The following CLIC2 variants were observed in gnomAD, a reference collection of about 807,000 sequenced individuals.
The protein encoded by CLIC2 is chloride intracellular channel protein 2.
Under a neutral mutation model 14.8 loss-of-function variants are expected in CLIC2, and 9 were observed. That is an observed-to-expected ratio of 0.61 (90% confidence interval 0.37 to 1.06). The LOEUF is 1.06. Among genes scored for constraint, CLIC2 ranks in the 50% least tolerant of loss-of-function variants. The probability of loss-of-function intolerance (pLI) is 0.01; values close to 1 mark genes in which losing one functional copy is unlikely to be tolerated. For missense variants in CLIC2, 148 were observed against 181.4 expected (o/e 0.82, Z 1.06); for synonymous variants, 61 against 66.3 (o/e 0.92, Z 0.39).
At chrX:155,296,561 G>A (rs181557342) in intron 3 of CLIC2, among the ~76,000 whole-genome samples, 23 of 111,461 alleles carry the variant, frequency 2.1e-4, no homozygotes, top group African/African-American at 7.2e-4. Flanking sequence ...AATGAGTGAA[G>A]AGACAACCTT....
intron 1 of CLIC2, among the ~76,000 whole-genome samples, chrX:155,305,114 C>G (rs1194993380): frequency 1.3e-4 from 15 of 112,323 alleles, no homozygotes; most frequent in Admixed American, 3.7e-4. Context: ...CCACCCAGTT[C>G]GAGCTTCTGG....
chrX:155,304,143 G>A (rs1292453769), intron 1 of CLIC2, among the ~76,000 whole-genome samples: 1 of 107,953 alleles, frequency 9.3e-6, no homozygotes, highest in Non-Finnish European at 1.9e-5. Context: ...GCTAGATTGG[G>A]GAAGTTCTCC....
At chrX:155,316,053 C>T (rs2075093995) in intron 1 of CLIC2, among the ~76,000 whole-genome samples, 1 of 111,618 alleles carries the variant, frequency 9.0e-6, no homozygotes, top group Non-Finnish European at 1.9e-5. Context: ...ACTAGTCCAA[C>T]AGGAAAATAT....
At chrX:155,306,587 A>G (rs1352302761) in intron 1 of CLIC2, among the ~76,000 whole-genome samples, 1 of 111,824 alleles carries the variant, frequency 8.9e-6, no homozygotes, top group African/African-American at 3.3e-5. Context: ...TTTATAAGAA[A>G]AGAGGTTTAA....
intron 1 of CLIC2, among the ~76,000 whole-genome samples, chrX:155,303,815 T>G (rs1244414957): frequency 7.7e-4 from 77 of 99,402 alleles, no homozygotes; most frequent in South Asian, 1.6e-3. Flanking sequence ...GTCTGTAAAG[T>G]ATTTTATTTC....
At position 155,280,064 on chromosome X, in the gene CLIC2, G is replaced by T. The variant is rs782809067; in HGVS notation, c.298C>A (p.Pro100Thr). The T allele has an allele frequency of 9.3e-6, 11 of 1,183,554 alleles. No individual in the cohort carries two copies. The African/African-American group carries it at 1.9e-4, about 21-fold the overall frequency. Reference sequence around the variant, plus strand: ...TCCTTGTACTTGGGACTCAGGTGAGGGTACCTTAAAAAGAAACATGCGTCA... The same window carrying T: ...TCCTTGTACTTGGGACTCAGGTGAGTGTACCTTAAAAAGAAACATGCGTCA... Reference protein sequence around the residue: ...LEQTLAPPRYPHLSPKYKESF... With the variant: ...LEQTLAPPRYTHLSPKYKESF... Residue 100 changes from proline to threonine, a missense_variant, in exon 4 of 6, where the codon CCT becomes ACT. Physicochemically the swap from Pro to Thr is conservative, Grantham distance 38 (BLOSUM62 -1). Coordinates refer to ENST00000369449, the MANE Select transcript of CLIC2 (RefSeq NM_001289.6).
intron 1 of CLIC2, among the ~76,000 whole-genome samples, chrX:155,330,706 G>T (rs2075153938): frequency 9.0e-6 from 1 of 111,169 alleles, no homozygotes; most frequent in Admixed American, 9.6e-5. Flanking sequence ...ATTATGCAGA[G>T]GTTGCAGACA....
intron 1 of CLIC2, among the ~76,000 whole-genome samples, chrX:155,333,015 A>T (rs1557322977): frequency 8.9e-6 from 1 of 112,331 alleles, no homozygotes; most frequent in African/African-American, 3.2e-5. Context: ...GAGATAGAAG[A>T]AGTCGCTCTT....
At position 155,291,412 on chromosome X, in the gene CLIC2, G is replaced by C. The variant is rs1314502827; in HGVS notation, c.293+7373C>G. ...CACTAGCTCCTGGCTCCGATGCTGA[G>C]TGCAGCCGAGTATGGGGTTTTCTAG... is the stretch of plus-strand genomic sequence containing the variant. On this transcript the variant is annotated intron_variant, in intron 3 of 5. Coordinates refer to ENST00000369449, the MANE Select transcript of CLIC2 (RefSeq NM_001289.6). 38 of 518,799 alleles carry C rather than the reference G, an allele frequency of 7.3e-5. No individual in the cohort carries two copies. In the African/African-American group the frequency reaches 8.1e-4, roughly 11 times the overall value. The allele number at this position is 518,799 out of a possible 1,213,427, so 42.8% of individuals were successfully genotyped here.
chrX:155,278,204 C>T (rs782758537), intron 5 of CLIC2, 140 bp from the exon 6 acceptor site: 86 of 504,741 alleles, frequency 1.7e-4, no homozygotes, highest in Non-Finnish European at 2.6e-4. Context: ...GAAGTAGACA[C>T]GAATCTTGGA....
chrX:155,291,191 C>T, intron 3 of CLIC2: 1 of 988,874 alleles, frequency 1.0e-6, no homozygotes, highest in Non-Finnish European at 1.4e-6. Flanking sequence ...GTTGTTTGTC[C>T]TCCAACAGGG....
chrX:155,333,348 A>G (rs1175386592), intron 1 of CLIC2, among the ~76,000 whole-genome samples: 2 of 111,399 alleles, frequency 1.8e-5, no homozygotes, highest in African/African-American at 6.5e-5. Context: ...TGTAATAACT[A>G]AAAGTTGTAA....
In CLIC2 at chrX:155,334,402, T is replaced by C. The variant is rs781820054; in HGVS notation, c.26A>G (p.Gln9Arg). Residue 9 changes from glutamine (Q) to arginine (R), a missense_variant, in exon 1 of 6, where the codon CAA becomes CGA. By Grantham distance (43) the Gln-to-Arg change is conservative. Coordinates refer to ENST00000369449, the MANE Select transcript of CLIC2 (RefSeq NM_001289.6). MSGLRPGTQVDPEIELFVK... is the reference protein window; with the variant it reads MSGLRPGTRVDPEIELFVK... ...AAAAAGCTCAATCTCAGGGTCCACT[T>C]GAGTGCCGGGCCGCAGGCCTGACAT... 8.3e-7 allele frequency: 1 copy of C among 1,210,089 alleles called. No homozygotes were observed. The highest frequency in any genetic ancestry group is 1.1e-6 in the Non-Finnish European group (1 of 893,855).
At chrX:155,287,948 T>C (rs1213018471) in intron 3 of CLIC2, among the ~76,000 whole-genome samples, 2 of 111,765 alleles carry the variant, frequency 1.8e-5, no homozygotes, top group African/African-American at 3.3e-5. Context: ...TAATTCTCAT[T>C]GTAGATATCC....
chrX:155,285,706 A>G (rs781875092), intron 3 of CLIC2, among the ~76,000 whole-genome samples: 2 of 112,050 alleles, frequency 1.8e-5, no homozygotes, highest in Non-Finnish European at 3.8e-5. Context: ...TGGAAGCCTC[A>G]CTTGAAGGAT....
chrX:155,293,573 C>T, intron 3 of CLIC2: 1 of 434,868 alleles, frequency 2.3e-6, no homozygotes, highest in Non-Finnish European at 4.0e-6. Flanking sequence ...TAAGTCTTCA[C>T]ATGTAAACAT....
rs1168282113 is a variant in CLIC2, at chrX:155,291,911, G to T, written c.293+6874C>A. On this transcript the variant is annotated intron_variant, in intron 3 of 5. Coordinates refer to ENST00000369449, the MANE Select transcript of CLIC2 (RefSeq NM_001289.6). ...GGATGTCAGGAGCGCTGCCGCCGCC[G>T]CAGGACCTTCTCCATTCCCGCCCGC... 2.7e-5 allele frequency among the ~76,000 whole-genome samples: 3 copies of T among 112,111 alleles called. No individual in the cohort carries two copies. In the East Asian group the frequency reaches 8.4e-4, roughly 31 times the overall value.
chrX:155,321,471 A>G (rs1481073692), intron 1 of CLIC2, among the ~76,000 whole-genome samples: 1 of 112,170 alleles, frequency 8.9e-6, no homozygotes. Context: ...GCAAAGCTTC[A>G]TAAGCGAAGG....
At position 155,279,236 on chromosome X, in the gene CLIC2, T is replaced by C. The variant is rs1475751314; in HGVS notation, c.495A>G (p.Glu165=). ...LDEIDPDSAE[E]PPVSRRLFLD... Reference sequence around the variant, plus strand: ...AGAATAGTCTTCTGGAAACTGGGGGTTCCTCAGCACTGTCTGGATCAATTT... The same window carrying C: ...AGAATAGTCTTCTGGAAACTGGGGGCTCCTCAGCACTGTCTGGATCAATTT... The change falls in exon 5 of 6, where the codon GAA becomes GAG. Residue 165 remains glutamate, a synonymous_variant. Coordinates refer to ENST00000369449, the MANE Select transcript of CLIC2 (RefSeq NM_001289.6). 75 of 1,206,539 alleles carry C rather than the reference T, an allele frequency of 6.2e-5. No homozygotes were observed. The highest frequency in any genetic ancestry group is 8.2e-5 in the Non-Finnish European group (73 of 892,181).
Sources: gnomAD v4.1 joint callset for allele counts (sites outside exome capture counted in the v4.1 genomes callset) on GRCh38, gnomAD v4.1.1 for gene constraint, MANE v1.5 for transcripts, NCBI Gene and HGNC (gene_info 2026-07-23, HGNC 2026-07-21) for gene names.